Variants in GNA12 observed in about 807,000 individuals in gnomAD.
GNA12 encodes the protein guanine nucleotide-binding protein subunit alpha-12.
In GNA12, 9 loss-of-function variants were observed where a neutral mutation model predicts 26.0. That is an observed-to-expected ratio of 0.35 (90% CI 0.21 to 0.60). The LOEUF is 0.60. Among genes scored for constraint, GNA12 ranks in the 20% least tolerant of loss-of-function variants. The probability of loss-of-function intolerance (pLI) is 0.78; values close to 1 mark genes in which losing one functional copy is unlikely to be tolerated. For synonymous variants in GNA12, 264 were observed against 219.6 expected (o/e 1.20, Z -1.79); for missense variants, 405 against 525.8 (o/e 0.77, Z 2.25).
chr7:2,798,145 G>A (rs1242601661), intron 1 of GNA12, among the ~76,000 whole-genome samples: 12 of 152,124 alleles, frequency 7.9e-5, no homozygotes, highest in African/African-American at 1.9e-4. Flanking sequence ...TAGCCAGTGC[G>A]ACAAGGTAGG....
At position 2,800,677 on chromosome 7, in the gene GNA12, A is replaced by G. The variant is rs191364578; in HGVS notation, c.310-5534T>C. On this transcript the variant is annotated intron_variant, in intron 1 of 3. Coordinates refer to ENST00000275364, the MANE Select transcript of GNA12 (RefSeq NM_007353.3). ...CAGAGGCCGAAGGCAAAGAGATAGT[A>G]GGGAAGGGAGGCTTGCTAAAACCCT... 6.6e-3 allele frequency among the ~76,000 whole-genome samples: 1,013 copies of G among 152,346 alleles called. 7 individuals carry two copies. Among genetic ancestry groups the G allele is most frequent in the African/African-American group, 0.023 (959 of 41,582 alleles).
chr7:2,763,530 C>A (rs1375944658), intron 2 of GNA12, among the ~76,000 whole-genome samples: 1 of 152,202 alleles, frequency 6.6e-6, no homozygotes, highest in African/African-American at 2.4e-5. Flanking sequence ...AGTCCATGTC[C>A]CAAGCAGTGT....
rs745662042 is a variant in GNA12, at chr7:2,731,950, G to C, written c.577-200C>G. On this transcript the variant is annotated intron_variant, in intron 3 of 3. Transcript: ENST00000275364. This position sits in a 1 kb window ranked among gnomAD's most constrained non-coding sequence, Gnocchi z 6.0. ...AGAATCAAATACTTCATTTCAAAAC[G>C]AACGGAGGCTCACCAGTCTGAGGAC... 6.6e-6 allele frequency among the ~76,000 whole-genome samples: 1 copy of C among 152,144 alleles called. No individual in the cohort carries two copies. Among genetic ancestry groups the C allele is most frequent in the South Asian group, 2.1e-4 (1 of 4,830 alleles).
intron 1 of GNA12, among the ~76,000 whole-genome samples, chr7:2,821,281 C>T (rs1793365322): frequency 6.6e-6 from 1 of 152,200 alleles, no homozygotes; most frequent in African/African-American, 2.4e-5. Context: ...CTGTTCAACA[C>T]AGGGACACGC....
intron 1 of GNA12, among the ~76,000 whole-genome samples, chr7:2,843,119 A>G (rs1244227773): frequency 6.6e-6 from 1 of 150,614 alleles, no homozygotes; most frequent in Non-Finnish European, 1.5e-5. Flanking sequence ...AAAACAGAAA[A>G]GTAAAAAGAG....
intron 1 of GNA12, among the ~76,000 whole-genome samples, chr7:2,835,405 C>T (rs146238394): frequency 6.6e-6 from 1 of 152,310 alleles, no homozygotes; most frequent in East Asian, 1.9e-4. Context: ...GATGTTGGCC[C>T]ACGGGGGTTG....
At chr7:2,734,161 G>T (rs1044496421) in intron 2 of GNA12, among the ~76,000 whole-genome samples, 3 of 152,142 alleles carry the variant, frequency 2.0e-5, no homozygotes, top group Non-Finnish European at 4.4e-5. Context: ...AGGGCCCTGC[G>T]GAATCACCCA....
intron 2 of GNA12, among the ~76,000 whole-genome samples, chr7:2,752,690 AT>A (rs1791097234): frequency 6.6e-6 from 1 of 152,224 alleles, no homozygotes; most frequent in South Asian, 2.1e-4. Flanking sequence ...TGTAAAAGCA[AT>A]TCCGTTTTTA....
intron 2 of GNA12, among the ~76,000 whole-genome samples, chr7:2,756,256 A>G (rs1384414779): frequency 6.6e-6 from 1 of 152,210 alleles, no homozygotes; most frequent in Non-Finnish European, 1.5e-5. Flanking sequence ...CATAACTTAA[A>G]AAAAACTCTC....
rs1009787877 is a variant in GNA12, at chr7:2,789,381, C to T, written c.525+5547G>A. On this transcript the variant is annotated intron_variant, in intron 2 of 3. Transcript: ENST00000275364. ...CGATCTCCTGACCTCGTGATCCGCC[C>T]GCCTCGGCCTCCCAAAGTGCTGGGA... 4.4e-4 allele frequency among the ~76,000 whole-genome samples: 66 copies of T among 149,016 alleles called. 1 individual carries two copies. Among genetic ancestry groups the T allele is most frequent in the Non-Finnish European group, 8.6e-4 (58 of 67,476 alleles).
chr7:2,736,807 G>A (rs1262676261), intron 2 of GNA12, among the ~76,000 whole-genome samples: 1 of 152,210 alleles, frequency 6.6e-6, no homozygotes, highest in African/African-American at 2.4e-5. Flanking sequence ...AGCCTCGCCC[G>A]TCACCTCTGT....
intron 2 of GNA12, among the ~76,000 whole-genome samples, chr7:2,757,325 A>G (rs948359195): frequency 6.6e-6 from 1 of 151,748 alleles, no homozygotes; most frequent in African/African-American, 2.4e-5. Context: ...TAGTAGAGAC[A>G]GGGTTTCGCC....
In GNA12 at chr7:2,838,728, T is replaced by C. The variant is rs546589876; in HGVS notation, c.309+5125A>G. Among the ~76,000 whole-genome samples the C allele has an allele frequency of 1.6e-3, 241 of 152,200 alleles. 4 individuals are homozygous for C. The South Asian group carries it at 0.019, about 12-fold the overall frequency. ...TGGAGAAATATATATTATGAAAGCATTAATAAAAACATAAGTGGCTATATT... is the reference window on the plus strand; with the variant it reads ...TGGAGAAATATATATTATGAAAGCACTAATAAAAACATAAGTGGCTATATT... On this transcript the variant is annotated intron_variant, in intron 1 of 3. Transcript: ENST00000275364.
intron 2 of GNA12, among the ~76,000 whole-genome samples, chr7:2,737,955 TG>T (rs1259117881): frequency 6.6e-6 from 1 of 152,180 alleles, no homozygotes; most frequent in East Asian, 1.9e-4. Flanking sequence ...CTTTGCTCAG[TG>T]AACGCCTGTG....
intron 2 of GNA12, among the ~76,000 whole-genome samples, 188 bp from the exon 3 acceptor site, chr7:2,733,689 A>C (rs1474182850): frequency 6.6e-6 from 1 of 152,240 alleles, no homozygotes; most frequent in African/African-American, 2.4e-5. Context: ...AAAATGTTTA[A>C]TGCAGGTTCT....
At position 2,837,141 on chromosome 7, in the gene GNA12, C is replaced by T. The variant is rs138135626; in HGVS notation, c.309+6712G>A. Among the ~76,000 whole-genome samples, 144 of 152,084 alleles carry T rather than the reference C, an allele frequency of 9.5e-4. 1 individual carries two copies. Among genetic ancestry groups the T allele is most frequent in the African/African-American group, 3.2e-3 (134 of 41,474 alleles). Reference sequence around the variant, plus strand: ...GAAGAAGCAGGAGGTGCTCCAATTCCCTCACCAGGGTGGTGTCAGCAGGGC... The same window carrying T: ...GAAGAAGCAGGAGGTGCTCCAATTCTCTCACCAGGGTGGTGTCAGCAGGGC... On this transcript the variant is annotated intron_variant, in intron 1 of 3. Transcript: ENST00000275364.
intron 2 of GNA12, among the ~76,000 whole-genome samples, chr7:2,786,087 G>A (rs554095550): frequency 1.7e-4 from 26 of 152,290 alleles, no homozygotes; most frequent in African/African-American, 6.3e-4. Flanking sequence ...ACACTGGAAA[G>A]GGGCGGCATG....
chr7:2,756,321 A>G (rs1791292327), intron 2 of GNA12, among the ~76,000 whole-genome samples: 1 of 152,246 alleles, frequency 6.6e-6, no homozygotes, highest in Non-Finnish European at 1.5e-5. Flanking sequence ...TGTCCTATAT[A>G]AATCTAATTC....
At chr7:2,812,983 G>A (rs901648042) in intron 1 of GNA12, among the ~76,000 whole-genome samples, 2 of 152,132 alleles carry the variant, frequency 1.3e-5, no homozygotes, top group South Asian at 2.1e-4. Flanking sequence ...TCGCTCTGTC[G>A]CCCAGGCTGC....
Sources: allele counts gnomAD v4.1 joint callset (sites outside exome capture counted in the v4.1 genomes callset), GRCh38; gene constraint gnomAD v4.1.1; non-coding constraint Gnocchi (gnomAD v3.1); transcripts MANE v1.5; gene names NCBI Gene and HGNC (gene_info 2026-07-23, HGNC 2026-07-21).